The following ACBD6 variants were observed in gnomAD, a reference collection of about 807,000 sequenced individuals.
ACBD6 encodes acyl-CoA-binding domain-containing protein 6.
ACBD6 carries 28 observed loss-of-function variants against 37.2 expected under a neutral mutation model. The observed-to-expected ratio is 0.75, with a 90% CI of 0.56 to 1.03. ACBD6 has a LOEUF of 1.03. ACBD6 is among the 50% of genes least tolerant of loss of function. ACBD6 has a pLI of 0.00. For synonymous variants in ACBD6, 113 were observed against 126.8 expected (o/e 0.89, Z 0.73); for missense variants, 340 against 337.4 (o/e 1.01, Z -0.06).
chr1:180,468,379 A>G (rs180872319), intron 3 of ACBD6, among the ~76,000 whole-genome samples: 2,205 of 152,276 alleles, frequency 0.014, 25 homozygotes, highest in Non-Finnish European at 0.022. Context: ...GCGGGTCCTC[A>G]CACCAAAGGA....
chr1:180,410,465 A>C (rs1003348727), intron 5 of ACBD6, among the ~76,000 whole-genome samples: 1 of 152,214 alleles, frequency 6.6e-6, no homozygotes, highest in Non-Finnish European at 1.5e-5. Context: ...GTTAGGGGCT[A>C]ATGCAGCCAT....
intron 7 of ACBD6, among the ~76,000 whole-genome samples, chr1:180,302,956 T>G (rs1181760159): frequency 1.3e-5 from 2 of 151,344 alleles, no homozygotes; most frequent in East Asian, 3.9e-4. Context: ...GAAACTCACT[T>G]AAAACCACTC....
chr1:180,318,864 T>A (rs1002989469), intron 6 of ACBD6, among the ~76,000 whole-genome samples: 2 of 152,240 alleles, frequency 1.3e-5, no homozygotes, highest in African/African-American at 4.8e-5. Context: ...TTTTTAAAGC[T>A]TTGTTTATTT....
chr1:180,338,167 T>C (rs1204034206), intron 6 of ACBD6, among the ~76,000 whole-genome samples: 3 of 152,200 alleles, frequency 2.0e-5, no homozygotes, highest in Middle Eastern at 3.4e-3. Flanking sequence ...CTTCACAGAA[T>C]TGGAAAAAAC....
At chr1:180,434,955 G>T in intron 3 of ACBD6, 1 of 800,096 alleles carries the variant, frequency 1.2e-6, no homozygotes, top group Non-Finnish European at 2.3e-6. Flanking sequence ...CAAAGTCATG[G>T]GCAGTCTGTA....
chr1:180,468,612 T>C (rs1195890434), intron 3 of ACBD6, among the ~76,000 whole-genome samples: 2 of 152,242 alleles, frequency 1.3e-5, no homozygotes, highest in Non-Finnish European at 2.9e-5. Flanking sequence ...TTGGCATTTG[T>C]TATTTCTCCT....
At chr1:180,323,723 C>CA (rs1553292782) in intron 6 of ACBD6, among the ~76,000 whole-genome samples, 2 of 151,924 alleles carry the variant, frequency 1.3e-5, no homozygotes, top group African/African-American at 2.4e-5. Flanking sequence ...TACTCCTGCT[C>CA]TTTTTTTGTT....
chr1:180,359,857 T>C (rs1467355459), intron 6 of ACBD6, among the ~76,000 whole-genome samples: 1 of 152,184 alleles, frequency 6.6e-6, no homozygotes, highest in Non-Finnish European at 1.5e-5. Context: ...CATGTAACTC[T>C]AGACTCTAGA....
intron 3 of ACBD6, among the ~76,000 whole-genome samples, chr1:180,438,941 C>T (rs1649170230): frequency 1.3e-5 from 2 of 152,140 alleles, no homozygotes; most frequent in African/African-American, 2.4e-5. Context: ...CTCCTCCATA[C>T]TCTGAACCCA....
intron 4 of ACBD6, among the ~76,000 whole-genome samples, chr1:180,417,059 T>G (rs995493083): frequency 6.6e-6 from 1 of 152,118 alleles, no homozygotes; most frequent in Non-Finnish European, 1.5e-5. Context: ...CCAAAGAAAG[T>G]AAGCCAATAT....
intron 3 of ACBD6, among the ~76,000 whole-genome samples, chr1:180,456,569 T>C (rs539446465): frequency 3.9e-5 from 6 of 152,320 alleles, no homozygotes; most frequent in South Asian, 2.1e-4. Context: ...GTGATAGTTA[T>C]AGGCACACAG....
intron 7 of ACBD6, among the ~76,000 whole-genome samples, chr1:180,293,742 T>C (rs1179879090): frequency 6.6e-6 from 1 of 152,112 alleles, no homozygotes; most frequent in Admixed American, 6.5e-5. Context: ...TTTTTTATTT[T>C]TGTTTTTTTT....
chr1:180,425,771 A>G (rs1175847652), intron 4 of ACBD6, among the ~76,000 whole-genome samples: 1 of 152,202 alleles, frequency 6.6e-6, no homozygotes, highest in African/African-American at 2.4e-5. Flanking sequence ...TTCTCCAATC[A>G]TATCTCTTTC....
intron 6 of ACBD6, among the ~76,000 whole-genome samples, chr1:180,365,766 A>C (rs1653030838): frequency 6.6e-6 from 1 of 152,230 alleles, no homozygotes. Flanking sequence ...CTATACATGT[A>C]TACATGCATA....
At chr1:180,446,132 A>G (rs1164446914) in intron 3 of ACBD6, among the ~76,000 whole-genome samples, 6 of 150,968 alleles carry the variant, frequency 4.0e-5, no homozygotes, top group Non-Finnish European at 7.4e-5. Context: ...CCTCCCAAGT[A>G]GCTGGGACCA....
rs750894179 is a variant in ACBD6, at chr1:180,413,389, C to A, written c.550G>T (p.Asp184Tyr). The A allele has an allele frequency of 1.2e-6, 2 of 1,613,150 alleles. No homozygotes were observed. The highest frequency in any genetic ancestry group is 2.2e-5 in the South Asian group (2 of 91,070). ...ACCTCTTCATCTTTCACATTCACAT[C>A]CACATTTTTCGATTTGATGGCTTTG... ...ITKAIKSKNV[D>Y]VNVKDEEGRA... is the part of the protein sequence containing the mutation. The change falls in exon 5 of 8, where the codon GAT (aspartate) becomes TAT (tyrosine). Residue 184 changes from aspartate to tyrosine, a missense_variant. Coordinates refer to ENST00000367595, the MANE Select transcript of ACBD6 (RefSeq NM_032360.4).
chr1:180,424,885 GGAGGTAAA>G (rs1465632199), intron 4 of ACBD6, among the ~76,000 whole-genome samples: 2 of 152,148 alleles, frequency 1.3e-5, no homozygotes, highest in African/African-American at 4.8e-5. Flanking sequence ...TGAGCACACA[GGAGGTAAA>G]TGAAGCACGC....
At chr1:180,329,801 A>G (rs541577309) in intron 6 of ACBD6, among the ~76,000 whole-genome samples, 1 of 152,192 alleles carries the variant, frequency 6.6e-6, no homozygotes, top group South Asian at 2.1e-4. Flanking sequence ...TTGCCTCTCT[A>G]CCAGTTGCCA....
At chr1:180,411,752 G>A (rs1013935990) in intron 5 of ACBD6, among the ~76,000 whole-genome samples, 1 of 152,062 alleles carries the variant, frequency 6.6e-6, no homozygotes, top group African/African-American at 2.4e-5. Context: ...TGCAACCTCT[G>A]CCTCCCAGGT....
Sources: gnomAD v4.1 joint callset for allele counts (sites outside exome capture counted in the v4.1 genomes callset) on GRCh38, gnomAD v4.1.1 for gene constraint, MANE v1.5 for transcripts, NCBI Gene and HGNC (gene_info 2026-07-23, HGNC 2026-07-21) for gene names.